NF2: variants seen among roughly 807,000 people sequenced by gnomAD.
The protein encoded by NF2 is merlin.
A neutral mutation model predicts 83.7 loss-of-function variants in NF2; 8 were observed. The observed-to-expected ratio is 0.10, with a 90% CI of 0.06 to 0.17. The LOEUF (loss-of-function observed/expected upper bound fraction) is 0.17. Among genes scored for constraint, NF2 ranks in the 10% least tolerant of loss-of-function variants. The pLI, the probability that NF2 is intolerant of heterozygous loss-of-function variation, is 1.00. For missense variants in NF2, 533 were observed against 744.4 expected (o/e 0.72, Z 3.31); for synonymous variants, 266 against 269.6 (o/e 0.99, Z 0.13).
At chr22:29,610,026 AAAT>A (rs2064906322) in intron 1 of NF2, among the ~76,000 whole-genome samples, 2 of 126,564 alleles carry the variant, frequency 1.6e-5, no homozygotes, top group African/African-American at 2.6e-5. Flanking sequence ...AAAAATAAAT[AAAT>A]AATTAGAGAG....
rs138235136 is a variant in NF2, at chr22:29,691,290, G to A, written c.1738-3462G>A. 1.0e-3 allele frequency among the ~76,000 whole-genome samples: 158 copies of A among 152,326 alleles called. 2 individuals are homozygous for A. The highest frequency in any genetic ancestry group is 3.7e-3 in the African/African-American group (153 of 41,582). On this transcript the variant is annotated intron_variant, in intron 15 of 15. Transcript: ENST00000338641. ...ACATTTTTGTTTGGAATTCAGGGTG[G>A]GAATGGGACTCACCAGAGTGGCTTC...
At chr22:29,638,630 G>A (rs2065713711) in intron 2 of NF2, among the ~76,000 whole-genome samples, 3 of 152,074 alleles carry the variant, frequency 2.0e-5, no homozygotes, top group Admixed American at 2.0e-4. Flanking sequence ...GGGATTATAG[G>A]TGTGAGCCAC....
chr22:29,610,358 AAAGAG>A (rs1204101338), intron 1 of NF2, among the ~76,000 whole-genome samples: 5 of 151,148 alleles, frequency 3.3e-5, no homozygotes, highest in Non-Finnish European at 7.4e-5. Context: ...AAAAAAAAGA[AAAGAG>A]GCTGGGTGCA....
intron 15 of NF2, chr22:29,683,429 T>A (rs892173169): frequency 1.6e-6 from 2 of 1,264,476 alleles, no homozygotes; most frequent in Admixed American, 3.6e-5. Context: ...GGAAATGGGG[T>A]CAATCTGGGC....
intron 15 of NF2, among the ~76,000 whole-genome samples, chr22:29,692,668 C>T (rs1321550338): frequency 6.6e-6 from 1 of 152,214 alleles, no homozygotes; most frequent in African/African-American, 2.4e-5. Context: ...AGGCCAGTGC[C>T]ATACGTGACC....
intron 1 of NF2, among the ~76,000 whole-genome samples, chr22:29,606,032 G>A (rs1172992768): frequency 2.0e-5 from 3 of 151,984 alleles, no homozygotes; most frequent in African/African-American, 7.3e-5. Flanking sequence ...TCGCCTCACC[G>A]CAGCCTCTGC....
At chr22:29,614,926 G>A (rs774328008) in intron 1 of NF2, among the ~76,000 whole-genome samples, 13 of 152,134 alleles carry the variant, frequency 8.5e-5, no homozygotes, top group Non-Finnish European at 1.8e-4. Flanking sequence ...GCTCATGCCT[G>A]TAATCCTAGC....
chr22:29,678,419 G>C (rs1601659682), intron 14 of NF2, 96 bp downstream of exon 14: 1 of 1,449,154 alleles, frequency 6.9e-7, no homozygotes, highest in East Asian at 2.3e-5. Context: ...GGTCGCTGCA[G>C]CAGCCTGTCA....
intron 1 of NF2, among the ~76,000 whole-genome samples, chr22:29,635,868 G>A (rs1281302628): frequency 2.0e-5 from 3 of 152,160 alleles, no homozygotes; most frequent in Non-Finnish European, 2.9e-5. Context: ...GGGTGGTTGG[G>A]GCAAGGAGGG....
intron 9 of NF2, among the ~76,000 whole-genome samples, chr22:29,665,308 A>G (rs2066590944): frequency 6.6e-6 from 1 of 151,292 alleles, no homozygotes; most frequent in Admixed American, 6.6e-5. Flanking sequence ...TGGCAGTGCC[A>G]TCTCGGCTCA....
At chr22:29,679,759 G>A (rs773104601) in intron 14 of NF2, among the ~76,000 whole-genome samples, 10 of 151,870 alleles carry the variant, frequency 6.6e-5, no homozygotes, top group African/African-American at 1.7e-4. Context: ...CCAGCTACTC[G>A]GGAGGCTGAG....
chr22:29,639,440 G>A (rs182816545), intron 3 of NF2, among the ~76,000 whole-genome samples: 9 of 152,286 alleles, frequency 5.9e-5, no homozygotes, highest in Admixed American at 5.9e-4. Flanking sequence ...GTGAAGAATG[G>A]ATACAAGTAG....
chr22:29,644,013 G>C lies in NF2; in HGVS notation c.447+1728G>C, dbSNP rs186430581. On this transcript the variant is annotated intron_variant, in intron 4 of 15. Coordinates refer to ENST00000338641, the MANE Select transcript of NF2 (RefSeq NM_000268.4). ...CCCGGACGGGGCGGCTGGCCTGGCC[G>C]GGGGGCTGACCCCCCCACCTCCCTC... 0.023 allele frequency among the ~76,000 whole-genome samples: 3,423 copies of C among 146,726 alleles called. 316 individuals are homozygous for C. In the East Asian group the frequency reaches 0.34, roughly 14 times the overall value.
At chr22:29,630,017 C>A (rs140034561) in intron 1 of NF2, among the ~76,000 whole-genome samples, 241 of 152,294 alleles carry the variant, frequency 1.6e-3, no homozygotes, top group African/African-American at 5.3e-3. Context: ...TTACTCACCC[C>A]GCACTGTTGT....
At chr22:29,670,760 T>C (rs745436591) in intron 10 of NF2, among the ~76,000 whole-genome samples, 8 of 152,174 alleles carry the variant, frequency 5.3e-5, no homozygotes, top group Non-Finnish European at 8.8e-5. Context: ...AAGCTCAGCA[T>C]GTGGCCCAAT....
chr22:29,626,153 C>CTTT (rs34704204), intron 1 of NF2, among the ~76,000 whole-genome samples: 13 of 128,224 alleles, frequency 1.0e-4, no homozygotes, highest in Non-Finnish European at 1.5e-4. Context: ...CATCTGCAGA[C>CTTT]TTTTTTTTTT....
Position 29,642,840 on chromosome 22 carries a change from C to T in NF2, c.447+555C>T, listed in dbSNP as rs140814288. 4.6e-3 allele frequency among the ~76,000 whole-genome samples: 695 copies of T among 152,310 alleles called. 4 individuals carry two copies. The highest frequency in any genetic ancestry group is 0.016 in the African/African-American group (665 of 41,562). On this transcript the variant is annotated intron_variant, in intron 4 of 15. Transcript: ENST00000338641. ...TTCAGAGAATGCCCTGCTTCATCTG[C>T]CCCTGATTGACATGCTAGCTGTTCA...
At chr22:29,659,204 T>C (rs2066405346) in intron 7 of NF2, among the ~76,000 whole-genome samples, 1 of 152,222 alleles carries the variant, frequency 6.6e-6, no homozygotes, top group South Asian at 2.1e-4. Flanking sequence ...ATTTGCTAAT[T>C]GCTTGGTTTC....
intron 10 of NF2, among the ~76,000 whole-genome samples, chr22:29,670,658 G>A (rs2066758446): frequency 6.6e-6 from 1 of 152,154 alleles, no homozygotes; most frequent in Non-Finnish European, 1.5e-5. Context: ...AGAAAATAGT[G>A]CAGTGGTCAC....
Sources: gnomAD v4.1 joint callset for allele counts (sites outside exome capture counted in the v4.1 genomes callset) on GRCh38, gnomAD v4.1.1 for gene constraint, MANE v1.5 for transcripts, NCBI Gene and HGNC (gene_info 2026-07-23, HGNC 2026-07-21) for gene names.